Variants in KLF8 observed in about 807,000 individuals in gnomAD.
KLF8 encodes the protein Krueppel-like factor 8.
KLF8 carries 10 observed loss-of-function variants against 18.2 expected under a neutral mutation model. That is an observed-to-expected ratio of 0.55 (90% CI 0.34 to 0.93). KLF8 has a LOEUF of 0.93. Ranked by LOEUF, KLF8 falls within the 40% of genes least tolerant of loss-of-function variation. The probability of loss-of-function intolerance (pLI) is 0.02; values close to 1 mark genes in which losing one functional copy is unlikely to be tolerated. For synonymous variants in KLF8, 109 were observed against 97.3 expected (o/e 1.12, Z -0.71); for missense variants, 264 against 277.9 (o/e 0.95, Z 0.36).
the KLF8 span, among the ~76,000 whole-genome samples, chrX:55,922,882 T>A: frequency 1.8e-5 from 2 of 111,126 alleles, no homozygotes; most frequent in African/African-American, 6.6e-5. Flanking sequence ...TTGGTGGGAG[T>A]GGAAATTAGT....
chrX:56,226,034 G>C, the KLF8 span, among the ~76,000 whole-genome samples: 1 of 112,204 alleles, frequency 8.9e-6, no homozygotes, highest in African/African-American at 3.2e-5. Flanking sequence ...TCAGAGTGCT[G>C]TAAGAGTCAG....
At chrX:56,051,632 A>C in the KLF8 span, among the ~76,000 whole-genome samples, 5 of 111,281 alleles carry the variant, frequency 4.5e-5, no homozygotes, top group Admixed American at 4.7e-4. Context: ...TTCTGTTGAG[A>C]GATCCGCTGT....
At chrX:56,211,266 A>T in the KLF8 span, among the ~76,000 whole-genome samples, 1 of 112,690 alleles carries the variant, frequency 8.9e-6, no homozygotes. Flanking sequence ...TAACACTGTG[A>T]ATCTTGTAGA....
chrX:56,030,220 A>C, the KLF8 span, among the ~76,000 whole-genome samples: 5 of 110,682 alleles, frequency 4.5e-5, no homozygotes, highest in Non-Finnish European at 9.4e-5. Context: ...GCCTCCTGGT[A>C]TTGTCTTAGC....
the KLF8 span, among the ~76,000 whole-genome samples, chrX:55,979,573 T>C: frequency 8.9e-6 from 1 of 111,866 alleles, no homozygotes; most frequent in African/African-American, 3.3e-5. Flanking sequence ...TAGATAGACA[T>C]TGATGAATTT....
At chrX:55,975,752 C>A in the KLF8 span, among the ~76,000 whole-genome samples, 22 of 111,148 alleles carry the variant, frequency 2.0e-4, no homozygotes, top group East Asian at 5.6e-3. Context: ...GTATAATAGG[C>A]CTCTTTTGAT....
the KLF8 span, among the ~76,000 whole-genome samples, chrX:56,190,147 A>T: frequency 6.3e-5 from 7 of 111,705 alleles, no homozygotes; most frequent in African/African-American, 2.3e-4. Flanking sequence ...ATTATATTGC[A>T]TGCCATTGGA....
the KLF8 span, among the ~76,000 whole-genome samples, chrX:56,005,568 G>A: frequency 3.5e-4 from 39 of 112,275 alleles, no homozygotes; most frequent in African/African-American, 1.2e-3. Context: ...GCACATGTTC[G>A]CATCAGCATC....
At chrX:56,237,364 C>A (rs1259099871) in intron 1 of KLF8, among the ~76,000 whole-genome samples, 1 of 109,560 alleles carries the variant, frequency 9.1e-6, no homozygotes, top group Admixed American at 9.9e-5. Flanking sequence ...TTATTCTTCA[C>A]TGCAACCTTA....
the KLF8 span, among the ~76,000 whole-genome samples, chrX:56,117,132 GA>G: frequency 9.1e-6 from 1 of 110,097 alleles, no homozygotes; most frequent in Admixed American, 9.7e-5. Flanking sequence ...AAAAAGAAGG[GA>G]AAAAAAGTAG....
chrX:56,061,669 G>A, the KLF8 span, among the ~76,000 whole-genome samples: 1 of 111,503 alleles, frequency 9.0e-6, no homozygotes, highest in Non-Finnish European at 1.9e-5. Context: ...TTCTGTAGAT[G>A]TCTATTAGGT....
chrX:56,066,303 C>A, the KLF8 span, among the ~76,000 whole-genome samples: 2 of 111,887 alleles, frequency 1.8e-5, no homozygotes, highest in African/African-American at 6.5e-5. Flanking sequence ...AGGGTGATTC[C>A]CAGGCCCCCA....
At chrX:56,070,248 G>A in the KLF8 span, among the ~76,000 whole-genome samples, 2 of 109,738 alleles carry the variant, frequency 1.8e-5, no homozygotes, top group Non-Finnish European at 3.8e-5. Flanking sequence ...GGGCCTGTCG[G>A]GGTGTTAGAG....
chrX:56,266,179 G>A, intron 3 of KLF8: 1 of 758,573 alleles, frequency 1.3e-6, no homozygotes. Flanking sequence ...ATGCCATTCA[G>A]AATGCTTTGG....
At chrX:56,220,858 A>T in the KLF8 span, among the ~76,000 whole-genome samples, 1 of 112,770 alleles carries the variant, frequency 8.9e-6, no homozygotes, top group African/African-American at 3.2e-5. Flanking sequence ...TCACAAAAAA[A>T]GTGCTATTAT....
chrX:55,922,635 G>GA, the KLF8 span, among the ~76,000 whole-genome samples: 4 of 111,879 alleles, frequency 3.6e-5, no homozygotes, highest in African/African-American at 9.8e-5. Context: ...TCGAAAGAAA[G>GA]AAAAAATCCC....
chrX:56,012,569 C>A, the KLF8 span, among the ~76,000 whole-genome samples: 1 of 111,481 alleles, frequency 9.0e-6, no homozygotes, highest in Admixed American at 9.5e-5. Flanking sequence ...CACTTTTATT[C>A]AATGTAGTAT....
the KLF8 span, among the ~76,000 whole-genome samples, chrX:56,096,694 T>C: frequency 9.0e-6 from 1 of 110,711 alleles, no homozygotes; most frequent in Non-Finnish European, 1.9e-5. Context: ...AGGAAAACAA[T>C]AGGGAATATC....
intron 3 of KLF8, chrX:56,265,949 C>G: frequency 1.0e-6 from 1 of 997,301 alleles, no homozygotes; most frequent in Non-Finnish European, 1.3e-6. Context: ...CAAACAAGTA[C>G]AAGTATGCAT....
Sources: allele counts gnomAD v4.1 joint callset (sites outside exome capture counted in the v4.1 genomes callset), GRCh38; gene constraint gnomAD v4.1.1; transcripts MANE v1.5; gene names NCBI Gene and HGNC (gene_info 2026-07-23, HGNC 2026-07-21).